Variants in HMCN2 observed in about 807,000 individuals in gnomAD.
The protein encoded by HMCN2 is hemicentin-2.
In HMCN2, 325 loss-of-function variants were observed where a neutral mutation model predicts 377.5. The ratio of observed to expected loss-of-function variants is 0.86; its 90% CI spans 0.79 to 0.94. HMCN2 has a LOEUF of 0.94. HMCN2 is among the 40% of genes least tolerant of loss of function. The probability of loss-of-function intolerance (pLI) is 0.00; values close to 1 mark genes in which losing one functional copy is unlikely to be tolerated. For missense variants in HMCN2, 4,543 were observed against 4,725.3 expected, an observed-to-expected ratio of 0.96 and a Z score of 1.13; for synonymous variants, 2,007 against 2,046.8, an observed-to-expected ratio of 0.98 and a Z score of 0.53.
intron 1 of HMCN2, among the ~76,000 whole-genome samples, chr9:130,266,732 C>T (rs1834123597): frequency 6.6e-6 from 1 of 152,236 alleles, no homozygotes; most frequent in East Asian, 1.9e-4. Flanking sequence ...GGCCCCGTGG[C>T]CTCCACCTGC....
At chr9:130,312,227 T>C (rs1486306464) in intron 15 of HMCN2, among the ~76,000 whole-genome samples, 2 of 151,896 alleles carry the variant, frequency 1.3e-5, no homozygotes, top group Non-Finnish European at 2.9e-5. Context: ...ACCAGCAGAG[T>C]GGGCCTGGCG....
Position 130,382,713 on chromosome 9 carries a change from G to T in HMCN2, c.8580G>T (p.Leu2860=). The T allele has an allele frequency of 1.0e-6, 1 of 985,748 alleles. No homozygotes were observed. The highest frequency in any genetic ancestry group is 1.2e-6 in the Non-Finnish European group (1 of 829,944). 61.1% of individuals were successfully genotyped at this position (985,748 alleles called of 1,614,324 possible). The change falls in exon 56 of 98, where the codon CTG becomes CTT. Residue 2860 remains leucine, a synonymous_variant. Transcript: ENST00000683500. The part of the protein sequence containing the change: ...PPVILGDTEE[L]VEEVTVNASS... ...TGATCCTGGGTGACACAGAGGAGCT[G>T]GTGGAAGAGGTGACAGTCAATGCCA...
chr9:130,365,589 T>C, intron 41 of HMCN2, 42 bp from the exon 42 acceptor site: 1 of 921,590 alleles, frequency 1.1e-6, no homozygotes, highest in Non-Finnish European at 1.3e-6. Context: ...CTCACCCATC[T>C]CTGTGCGTCC....
In HMCN2 at chr9:130,433,255, C is replaced by A. The variant is rs1844869931; in HGVS notation, c.14895-93C>A. ...GACGGGCAGCGCGTGGGCGGAACTG[C>A]AGGGGCTGGCAGGGAGGTCTGAGTT... is the stretch of plus-strand genomic sequence containing the variant. On this transcript the variant is annotated intron_variant, in intron 97 of 97. Coordinates refer to ENST00000683500, the MANE Select transcript of HMCN2 (RefSeq NM_001291815.2). 4.8e-5 allele frequency: 49 copies of A among 1,012,830 alleles called. 1 individual carries two copies. Among genetic ancestry groups the A allele is most frequent in the Non-Finnish European group, 6.2e-5 (46 of 746,210 alleles). The allele number at this position is 1,012,830 out of a possible 1,614,324, so 62.7% of individuals were successfully genotyped here. A position where few individuals can be genotyped will look rare whatever the true frequency, so the allele number is the denominator to read the frequency against.
chr9:130,419,763 C>T (rs965303504), intron 86 of HMCN2, among the ~76,000 whole-genome samples: 1 of 151,982 alleles, frequency 6.6e-6, no homozygotes, highest in African/African-American at 2.4e-5. Context: ...CATCACTAAT[C>T]TATCACCACA....
At chr9:130,334,570 T>C (rs1451221939) in intron 22 of HMCN2, among the ~76,000 whole-genome samples, 1 of 139,962 alleles carries the variant, frequency 7.1e-6, no homozygotes, top group Non-Finnish European at 1.6e-5. Context: ...TTTTTTTTTT[T>C]CAGAAGCCCC....
intron 62 of HMCN2, among the ~76,000 whole-genome samples, chr9:130,389,736 A>T (rs1588373880): frequency 6.6e-6 from 1 of 151,762 alleles, no homozygotes; most frequent in African/African-American, 2.4e-5. Context: ...CACCACGCCC[A>T]GCTAATGTTT....
intron 22 of HMCN2, among the ~76,000 whole-genome samples, chr9:130,332,615 C>T (rs911444438): frequency 1.2e-4 from 18 of 152,350 alleles, no homozygotes; most frequent in Admixed American, 3.9e-4. Flanking sequence ...TCCGTCTCCC[C>T]CTACCTACCT....
rs980121226 is a variant in HMCN2 at position 130,394,996 on chromosome 9, G to T, written c.10693-31G>T. 1.6e-6 allele frequency: 2 copies of T among 1,253,202 alleles called. No individual in the cohort carries two copies. Among genetic ancestry groups the T allele is most frequent in the African/African-American group, 1.5e-5 (1 of 64,982 alleles). The allele number at this position is 1,253,202 out of a possible 1,614,324, so 77.6% of individuals were successfully genotyped here. A position where few individuals can be genotyped will look rare whatever the true frequency, so the allele number is the denominator to read the frequency against. ...TTGGGAGGCGGGCAGAGAGGGGCCA[G>T]GGGCAGCTGCTCAACCCGCTCCATC... On this transcript the variant is annotated intron_variant, in intron 69 of 97. Coordinates refer to ENST00000683500, the MANE Select transcript of HMCN2 (RefSeq NM_001291815.2). This position sits in a 1 kb window ranked among gnomAD's most constrained non-coding sequence, Gnocchi z 5.1.
chr9:130,422,354 G>A lies in HMCN2; in HGVS notation c.13232-223G>A, dbSNP rs934055123. ...AGAGCCAGAATTAGAAGCCAGCTCC[G>A]CCCTGAGCCCAGGGTTCCTCCTAAC... On this transcript the variant is annotated intron_variant, in intron 86 of 97. Transcript: ENST00000683500. The surrounding 1 kb of genome is among the most constrained non-coding windows in gnomAD (Gnocchi z 4.2). Among the ~76,000 whole-genome samples the A allele has an allele frequency of 6.6e-6, 1 of 152,206 alleles. No individual in the cohort carries two copies. The highest frequency in any genetic ancestry group is 1.5e-5 in the Non-Finnish European group (1 of 68,028).
chr9:130,374,385 G>A lies in HMCN2; in HGVS notation c.7439-117G>A, dbSNP rs143635366. 62 of 369,176 alleles carry A rather than the reference G, an allele frequency of 1.7e-4. 1 individual carries two copies. The highest frequency in any genetic ancestry group is 1.2e-3 in the African/African-American group (54 of 45,356). 22.9% of individuals were successfully genotyped at this position (369,176 alleles called of 1,614,324 possible). A position where few individuals can be genotyped will look rare whatever the true frequency, so the allele number is the denominator to read the frequency against. ...TGCTGCTTCTTCTTGTGCTTCATGGGCCTCTGGGCCGGAATGGAAAATTCA... is the reference window on the plus strand; with the variant it reads ...TGCTGCTTCTTCTTGTGCTTCATGGACCTCTGGGCCGGAATGGAAAATTCA... On this transcript the variant is annotated intron_variant, in intron 48 of 97. Coordinates refer to ENST00000683500, the MANE Select transcript of HMCN2 (RefSeq NM_001291815.2).
At chr9:130,339,059 G>A (rs1352708559) in intron 23 of HMCN2, among the ~76,000 whole-genome samples, 1 of 151,970 alleles carries the variant, frequency 6.6e-6, no homozygotes, top group Non-Finnish European at 1.5e-5. Flanking sequence ...GCAATGGTCC[G>A]CACCTGTAGT....
At position 130,422,704 on chromosome 9, in the gene HMCN2, C is replaced by T; in HGVS notation, c.13359C>T (p.Ile4453=). 7.8e-7 allele frequency: 1 copy of T among 1,283,042 alleles called. No individual in the cohort carries two copies. Among genetic ancestry groups the T allele is most frequent in the East Asian group, 3.1e-5 (1 of 31,854 alleles). 79.5% of individuals were successfully genotyped at this position (1,283,042 alleles called of 1,614,324 possible). ...HSGVSSIHSS[I]RHVPANVGPL... ...GGGTCAGCAGCATCCACAGCAGCATCCGCCATGTCCCAGCAAACGTGGGTG... is the reference window on the plus strand; with the variant it reads ...GGGTCAGCAGCATCCACAGCAGCATTCGCCATGTCCCAGCAAACGTGGGTG... The change falls in exon 87 of 98, where the codon ATC becomes ATT. Residue 4453 remains isoleucine, a synonymous_variant. Transcript: ENST00000683500. This position sits in a 1 kb window ranked among gnomAD's most constrained non-coding sequence, Gnocchi z 4.2.
chr9:130,387,953 C>A (rs1470233854), intron 61 of HMCN2, among the ~76,000 whole-genome samples: 1 of 152,222 alleles, frequency 6.6e-6, no homozygotes, highest in African/African-American at 2.4e-5. Context: ...GGGACTGACA[C>A]CAGGCTTGCT....
At chr9:130,286,897 C>T (rs957621246) in intron 4 of HMCN2, among the ~76,000 whole-genome samples, 1 of 152,174 alleles carries the variant, frequency 6.6e-6, no homozygotes, top group Non-Finnish European at 1.5e-5. Context: ...TGTCCTTCCT[C>T]CTCTCGGGGC....
Position 130,430,381 on chromosome 9 carries a change from C to T in HMCN2, c.14424C>T (p.Leu4808=), listed in dbSNP as rs756066482. The change falls in exon 95 of 98, where the codon CTC becomes CTT. Residue 4808 remains leucine, a synonymous_variant. Transcript: ENST00000683500. ...YRCLCPPGQT[L]LRDGKACTSL... is the part of the protein sequence containing the mutation. ...GCCTGTGCCCCCCAGGCCAGACCCT[C>T]CTTCGCGACGGCAAGGCCTGCACCT... 8.5e-5 allele frequency: 131 copies of T among 1,550,010 alleles called. No individual in the cohort carries two copies. Among genetic ancestry groups the T allele is most frequent in the Admixed American group, 2.0e-5 (1 of 50,994 alleles).
At position 130,410,643 on chromosome 9, in the gene HMCN2, G is replaced by GTCCTGCAGAGTGAGTC; in HGVS notation, c.12955_12961+9dup. ...CGTGGCGAAGAAAGTGGTGATCCTC[G>GTCCTGCAGAGTGAGTC]TCCTGCAGAGTGAGTCTCGGCCTCA... On this transcript the variant is annotated frameshift_variant, in exon 85 of 98. Transcript: ENST00000683500. LOFTEE classifies it high-confidence loss of function. 6.4e-7 allele frequency: 1 copy of GTCCTGCAGAGTGAGTC among 1,550,574 alleles called. No homozygotes were observed. Among genetic ancestry groups the GTCCTGCAGAGTGAGTC allele is most frequent in the Non-Finnish European group, 8.7e-7 (1 of 1,146,968 alleles).
At chr9:130,337,161 G>A (rs1838797854) in intron 22 of HMCN2, among the ~76,000 whole-genome samples, 1 of 152,224 alleles carries the variant, frequency 6.6e-6, no homozygotes, top group Admixed American at 6.5e-5. Context: ...TCTGCAGGGG[G>A]CCCTTGGGGT....
At chr9:130,277,835 T>C (rs200257696) in intron 1 of HMCN2, among the ~76,000 whole-genome samples, 365 of 5,344 alleles carry the variant, frequency 0.068, 14 homozygotes, top group Non-Finnish European at 0.088. Context: ...ACCACCACCA[T>C]CATCATCATC....
Sources: gnomAD v4.1 joint callset for allele counts (sites outside exome capture counted in the v4.1 genomes callset) on GRCh38, gnomAD v4.1.1 for gene constraint, Gnocchi (gnomAD v3.1) non-coding constraint, MANE v1.5 for transcripts, NCBI Gene and HGNC (gene_info 2026-07-23, HGNC 2026-07-21) for gene names.